The following NR3C2 variants were observed in gnomAD, a reference collection of about 807,000 sequenced individuals.
NR3C2 encodes the protein nuclear receptor subfamily 3 group C member 2, also known as mineralocorticoid receptor.
A neutral mutation model predicts 86.4 loss-of-function variants in NR3C2; 15 were observed. The observed-to-expected ratio is 0.17, with a 90% CI of 0.12 to 0.27. The LOEUF is 0.27. NR3C2 is among the 10% of genes least tolerant of loss of function. The probability of loss-of-function intolerance (pLI) is 1.00; values close to 1 mark genes in which losing one functional copy is unlikely to be tolerated. For missense variants in NR3C2, 960 were observed against 1,195.6 expected (o/e 0.80, Z 2.91); for synonymous variants, 458 against 450.5 (o/e 1.02, Z -0.21).
At chr4:148,399,931 C>G (rs1158955785) in intron 2 of NR3C2, among the ~76,000 whole-genome samples, 1 of 152,208 alleles carries the variant, frequency 6.6e-6, no homozygotes, top group Non-Finnish European at 1.5e-5. Flanking sequence ...AACTTTTCTA[C>G]TTTAATGTCT....
chr4:148,275,221 C>T (rs886598503), intron 2 of NR3C2, among the ~76,000 whole-genome samples: 12 of 152,150 alleles, frequency 7.9e-5, no homozygotes, highest in Non-Finnish European at 8.8e-5. Context: ...ATGACTTTTT[C>T]TAATAAGTGT....
chr4:148,349,717 T>C (rs1421168586), intron 2 of NR3C2, among the ~76,000 whole-genome samples: 6 of 152,186 alleles, frequency 3.9e-5, no homozygotes, highest in African/African-American at 1.4e-4. Flanking sequence ...TTGATGTTAA[T>C]GTATGACAAA....
intron 2 of NR3C2, among the ~76,000 whole-genome samples, chr4:148,272,142 A>G (rs1447350941): frequency 6.6e-6 from 1 of 152,188 alleles, no homozygotes; most frequent in Non-Finnish European, 1.5e-5. Flanking sequence ...ATTAGAACTC[A>G]TATTCTAGTA....
In NR3C2 at chr4:148,079,687, G is replaced by T. The variant is rs1578856847; in HGVS notation, c.*1657C>A. 1 of 152,590 alleles carries T rather than the reference G, an allele frequency of 6.6e-6. No individual in the cohort carries two copies. Among genetic ancestry groups the T allele is most frequent in the Admixed American group, 6.5e-5 (1 of 15,282 alleles). The allele number at this position is 152,590 out of a possible 1,614,324, so 9.5% of individuals were successfully genotyped here. On this transcript the variant is annotated 3_prime_UTR_variant, in exon 9 of 9. Coordinates refer to ENST00000358102, the MANE Select transcript of NR3C2 (RefSeq NM_000901.5). Reference sequence around the variant, plus strand: ...ATCAGTGCCAAACAAACAGATTAATGAATTAAACATTTTAGTGCCACTGTC... The same window carrying T: ...ATCAGTGCCAAACAAACAGATTAATTAATTAAACATTTTAGTGCCACTGTC...
intron 4 of NR3C2, among the ~76,000 whole-genome samples, chr4:148,181,365 T>TGA (rs1455868965): frequency 6.6e-6 from 1 of 152,200 alleles, no homozygotes; most frequent in African/African-American, 2.4e-5. Flanking sequence ...AAGTATCTAA[T>TGA]GATACTATCT....
intron 3 of NR3C2, among the ~76,000 whole-genome samples, chr4:148,206,502 C>T (rs73855929): frequency 0.017 from 2,638 of 152,284 alleles, 85 homozygotes; most frequent in African/African-American, 0.058. Flanking sequence ...ATATTCTAAA[C>T]CTGCCAGTTT....
intron 2 of NR3C2, among the ~76,000 whole-genome samples, chr4:148,433,559 A>T (rs1749899393): frequency 6.6e-6 from 1 of 152,182 alleles, no homozygotes; most frequent in African/African-American, 2.4e-5. Flanking sequence ...GAAGGAATTC[A>T]AAGTATTTCT....
chr4:148,216,228 A>AC (rs914202334), intron 3 of NR3C2, among the ~76,000 whole-genome samples: 19 of 150,910 alleles, frequency 1.3e-4, no homozygotes, highest in Non-Finnish European at 2.7e-4. Context: ...ACTCCCCACC[A>AC]CCCCCCCAAC....
intron 6 of NR3C2, among the ~76,000 whole-genome samples, chr4:148,147,118 G>A (rs960727045): frequency 7.2e-5 from 11 of 152,122 alleles, no homozygotes; most frequent in African/African-American, 2.2e-4. Context: ...AATAAGAAAA[G>A]TTCTATGTTA....
At chr4:148,235,184 G>C (rs920270817) in intron 3 of NR3C2, among the ~76,000 whole-genome samples, 2 of 151,312 alleles carry the variant, frequency 1.3e-5, no homozygotes, top group African/African-American at 4.8e-5. Flanking sequence ...ACTGTAAAAA[G>C]ATCTTCATGA....
intron 2 of NR3C2, among the ~76,000 whole-genome samples, chr4:148,418,292 A>C (rs1163028985): frequency 2.0e-5 from 3 of 152,320 alleles, no homozygotes; most frequent in African/African-American, 7.2e-5. Context: ...TCACAAAAAC[A>C]AAACTTGTGC....
At chr4:148,118,250 C>T (rs1732358794) in intron 7 of NR3C2, among the ~76,000 whole-genome samples, 1 of 152,194 alleles carries the variant, frequency 6.6e-6, no homozygotes, top group African/African-American at 2.4e-5. Context: ...AAAACAGCTT[C>T]TCATCAATTT....
At chr4:148,190,930 G>A (rs4122853) in intron 4 of NR3C2, among the ~76,000 whole-genome samples, 2,607 of 152,200 alleles carry the variant, frequency 0.017, 79 homozygotes, top group African/African-American at 0.057. Context: ...TACATTCTGC[G>A]GTTCTGTATC....
intron 2 of NR3C2, among the ~76,000 whole-genome samples, chr4:148,288,440 C>T (rs1741638453): frequency 6.6e-6 from 1 of 152,206 alleles, no homozygotes; most frequent in Non-Finnish European, 1.5e-5. Context: ...AATGCCTCTA[C>T]TCTCATGGAG....
At chr4:148,104,342 G>GT (rs57175085) in intron 8 of NR3C2, among the ~76,000 whole-genome samples, 2,256 of 63,786 alleles carry the variant, frequency 0.035, 62 homozygotes, top group Admixed American at 0.11. Flanking sequence ...TTTTGGTTTG[G>GT]TTTTTTTTTT....
chr4:148,238,595 T>C (rs762099116), intron 3 of NR3C2, among the ~76,000 whole-genome samples: 26 of 152,110 alleles, frequency 1.7e-4, no homozygotes, highest in Non-Finnish European at 3.5e-4. Context: ...TTTAAAATAT[T>C]ATAATCCCTA....
At chr4:148,159,851 T>C (rs184059271) in intron 4 of NR3C2, among the ~76,000 whole-genome samples, 2 of 152,334 alleles carry the variant, frequency 1.3e-5, no homozygotes, top group East Asian at 3.9e-4. Context: ...TGAACATACA[T>C]TTGGGAGCTT....
At chr4:148,146,614 G>C (rs1329664228) in intron 6 of NR3C2, 1 of 152,246 alleles carries the variant, frequency 6.6e-6, no homozygotes, top group Non-Finnish European at 1.5e-5. Flanking sequence ...CTCGTCTAAT[G>C]GAGCTGCCCT....
rs556817621 is a variant in NR3C2, at chr4:148,346,355, G to A, written c.1758-86238C>T. The stretch of plus-strand genomic sequence containing the variant: ...GGAACTGGCAATGATGGGGAACAGC[G>A]AACAGATCCTTTGTAGATGAAGGCA... On this transcript the variant is annotated intron_variant, in intron 2 of 8. Transcript: ENST00000358102. 3.7e-4 allele frequency among the ~76,000 whole-genome samples: 56 copies of A among 152,186 alleles called. No individual in the cohort carries two copies. In the South Asian group the frequency reaches 0.011, roughly 30 times the overall value.
Sources: allele counts gnomAD v4.1 joint callset (sites outside exome capture counted in the v4.1 genomes callset), GRCh38; gene constraint gnomAD v4.1.1; transcripts MANE v1.5; gene names NCBI Gene and HGNC (gene_info 2026-07-23, HGNC 2026-07-21).